Variants in CD48 observed in about 807,000 individuals in gnomAD.
The protein encoded by CD48 is CD48 molecule.
In CD48, 20 loss-of-function variants were observed where a neutral mutation model predicts 22.0. That is an observed-to-expected ratio of 0.91 (90% confidence interval 0.64 to 1.32). The LOEUF is 1.32. Among genes scored for constraint, CD48 ranks in the 40% most tolerant of loss-of-function variants. The probability of loss-of-function intolerance (pLI) is 0.00; values close to 1 mark genes in which losing one functional copy is unlikely to be tolerated. For synonymous variants in CD48, 110 were observed against 110.1 expected, an observed-to-expected ratio of 1.00 and a Z score of 0.01; for missense variants, 307 against 286.5, an observed-to-expected ratio of 1.07 and a Z score of -0.52.
chr1:160,685,113 G>A lies in CD48; in HGVS notation c.159C>T (p.Tyr53=). The stretch of plus-strand genomic sequence containing the variant: ...AAGTATAAAACCAGGTTAGTTGTTT[G>A]TAGTTCTCAGGCAGGCTCTCAGAGA... The part of the protein sequence containing the change: ...LNISESLPEN[Y]KQLTWFYTFD... The change falls in exon 2 of 4, where the codon TAC becomes TAT. Residue 53 remains tyrosine, a synonymous_variant. Transcript: ENST00000368046. 6.2e-7 allele frequency: 1 copy of A among 1,614,040 alleles called. No homozygotes were observed. The highest frequency in any genetic ancestry group is 1.1e-5 in the South Asian group (1 of 91,088).
intron 1 of CD48, among the ~76,000 whole-genome samples, chr1:160,709,862 T>C (rs1450296940): frequency 2.0e-5 from 3 of 152,218 alleles, no homozygotes; most frequent in Non-Finnish European, 4.4e-5. Context: ...ACATGGTTTC[T>C]GTCCTCAAAA....
intron 1 of CD48, among the ~76,000 whole-genome samples, chr1:160,708,460 G>C (rs751788181): frequency 2.2e-4 from 34 of 152,214 alleles, no homozygotes; most frequent in Non-Finnish European, 4.0e-4. Context: ...AGTTAGGATA[G>C]TGGATCATTG....
At chr1:160,697,627 C>T (rs570151501) in intron 1 of CD48, among the ~76,000 whole-genome samples, 1 of 152,346 alleles carries the variant, frequency 6.6e-6, no homozygotes, top group Non-Finnish European at 1.5e-5. Context: ...ATTTACAAGA[C>T]TTTTCTTATC....
At position 160,711,756 on chromosome 1, in the gene CD48, G is replaced by A; in HGVS notation, c.8C>T (p.Ser3Phe). Residue 3 changes from serine (S) to phenylalanine (F), a missense_variant, in exon 1 of 4, where the codon TCC becomes TTC. Coordinates refer to ENST00000368046, the MANE Select transcript of CD48 (RefSeq NM_001778.4). ...AGCCAGACACGAATCCCAACCTCTG[G>A]AGCACATGCTTCCTTCCAGAACTTC... MC[S>F]RGWDSCLALE... is the part of the protein sequence containing the mutation. 1 of 1,613,008 alleles carries A rather than the reference G, an allele frequency of 6.2e-7. No individual in the cohort carries two copies. The highest frequency in any genetic ancestry group is 1.1e-5 in the South Asian group (1 of 91,054).
intron 1 of CD48, among the ~76,000 whole-genome samples, chr1:160,687,818 G>A (rs977991288): frequency 6.6e-6 from 1 of 152,188 alleles, no homozygotes; most frequent in African/African-American, 2.4e-5. Flanking sequence ...AATCCATAAA[G>A]ATTTTCTGCC....
rs1661797146 is a variant in CD48, at chr1:160,681,397, A to G, written c.457T>C (p.Ser153Pro). The change falls in exon 3 of 4, where the codon TCA becomes CCA. Residue 153 changes from serine to proline, a missense_variant. By Grantham distance (74) the Ser-to-Pro change is moderately conservative. Transcript: ENST00000368046. Reference protein sequence around the residue: ...DMDDNCYLKLSCVIPGESVNY... With the variant: ...DMDDNCYLKLPCVIPGESVNY... The stretch of plus-strand genomic sequence containing the variant: ...ACAGACTCGCCAGGTATCACACATG[A>G]CAGTTTCAGATAACAGTTGTCATCC... The G allele has an allele frequency of 6.2e-7, 1 of 1,614,116 alleles. No individual in the cohort carries two copies.
intron 1 of CD48, among the ~76,000 whole-genome samples, chr1:160,701,382 C>T (rs921744384): frequency 5.9e-5 from 9 of 151,994 alleles, no homozygotes; most frequent in Admixed American, 1.3e-4. Flanking sequence ...TGCAACTGCT[C>T]AGAAACCAAT....
At chr1:160,699,860 CAG>C (rs1375279361) in intron 1 of CD48, 1 of 151,768 alleles carries the variant, frequency 6.6e-6, no homozygotes, top group Non-Finnish European at 1.5e-5. Context: ...TAAGGGAACT[CAG>C]AGGCTGGCGG....
chr1:160,695,158 A>G (rs1318818891), intron 1 of CD48, among the ~76,000 whole-genome samples: 2 of 152,250 alleles, frequency 1.3e-5, no homozygotes, highest in African/African-American at 4.8e-5. Context: ...TATACCAGCC[A>G]TAAATAATAA....
At chr1:160,697,580 A>G (rs539819522) in intron 1 of CD48, among the ~76,000 whole-genome samples, 3 of 152,408 alleles carry the variant, frequency 2.0e-5, no homozygotes, top group Middle Eastern at 3.4e-3. Flanking sequence ...CACTTATCAC[A>G]TGGTAAGCGG....
chr1:160,701,935 T>G (rs1049457090), intron 1 of CD48, among the ~76,000 whole-genome samples: 1 of 152,132 alleles, frequency 6.6e-6, no homozygotes, highest in Non-Finnish European at 1.5e-5. Context: ...TGTTTAGAAA[T>G]TACATTAATC....
At chr1:160,680,136 A>G (rs3766366) in intron 3 of CD48, among the ~76,000 whole-genome samples, 33,526 of 152,178 alleles carry the variant, frequency 0.22, 5,487 homozygotes, top group East Asian at 0.46. Flanking sequence ...CAGAGGCCAG[A>G]ATCCCTGATG....
chr1:160,697,412 C>T (rs1319405841), intron 1 of CD48, among the ~76,000 whole-genome samples: 2 of 152,340 alleles, frequency 1.3e-5, no homozygotes, highest in African/African-American at 2.4e-5. Context: ...CACAGATGAT[C>T]GCTGCCCTGC....
intron 1 of CD48, among the ~76,000 whole-genome samples, chr1:160,701,346 A>G (rs1662623988): frequency 6.6e-6 from 1 of 151,826 alleles, no homozygotes; most frequent in South Asian, 2.1e-4. Context: ...TTCTAAGGGG[A>G]AAGAGAATGT....
At chr1:160,711,582 C>T in intron 1 of CD48, 100 bp downstream of exon 1, 1 of 874,598 alleles carries the variant, frequency 1.1e-6, no homozygotes, top group Admixed American at 1.9e-5. Flanking sequence ...TTTCCAGACA[C>T]CAGATCTGGC....
intron 1 of CD48, among the ~76,000 whole-genome samples, chr1:160,704,108 G>A (rs188512598): frequency 3.3e-4 from 50 of 152,292 alleles, no homozygotes; most frequent in African/African-American, 1.1e-3. Context: ...GTAACAAAGT[G>A]GAGACTGTAT....
chr1:160,698,702 C>G (rs1662519189), intron 1 of CD48, among the ~76,000 whole-genome samples: 1 of 152,016 alleles, frequency 6.6e-6, no homozygotes. Flanking sequence ...TGAGTCTGAG[C>G]ATCACTGGGA....
At chr1:160,699,609 G>A (rs192792882) in intron 1 of CD48, 3 of 152,364 alleles carry the variant, frequency 2.0e-5, no homozygotes, top group African/African-American at 7.2e-5. Flanking sequence ...TCCATCTACT[G>A]AGATAGGGAA....
intron 3 of CD48, chr1:160,680,277 G>A (rs1661747204): frequency 6.6e-6 from 1 of 152,172 alleles, no homozygotes; most frequent in African/African-American, 2.4e-5. Flanking sequence ...GTATTTCCCA[G>A]AGTGCTGGAG....
Sources: allele counts gnomAD v4.1 joint callset (sites outside exome capture counted in the v4.1 genomes callset), GRCh38; gene constraint gnomAD v4.1.1; transcripts MANE v1.5; gene names NCBI Gene and HGNC (gene_info 2026-07-23, HGNC 2026-07-21).